The following PPP2R3A variants were observed in gnomAD, a reference collection of about 807,000 sequenced individuals.
PPP2R3A encodes the protein protein phosphatase 2 regulatory subunit B''alpha, also known as serine/threonine-protein phosphatase 2A regulatory subunit B'' subunit alpha.
A neutral mutation model predicts 106.9 loss-of-function variants in PPP2R3A; 80 were observed. The observed-to-expected ratio is 0.75, with a 90% CI of 0.62 to 0.90. The LOEUF (loss-of-function observed/expected upper bound fraction) is 0.90. PPP2R3A is among the 40% of genes least tolerant of loss of function. The pLI, the probability that PPP2R3A is intolerant of heterozygous loss-of-function variation, is 0.00. For missense variants in PPP2R3A, 1,386 were observed against 1,350.4 expected (o/e 1.03, Z -0.41); for synonymous variants, 483 against 468.3 (o/e 1.03, Z -0.41).
At chr3:136,050,771 C>G (rs1935658978) in intron 5 of PPP2R3A, among the ~76,000 whole-genome samples, 1 of 152,142 alleles carries the variant, frequency 6.6e-6, no homozygotes, top group Non-Finnish European at 1.5e-5. Flanking sequence ...TTCCCTTATG[C>G]TTTCCTATCT....
chr3:136,087,157 T>G (rs983766537), intron 8 of PPP2R3A, among the ~76,000 whole-genome samples: 1 of 151,956 alleles, frequency 6.6e-6, no homozygotes, highest in Non-Finnish European at 1.5e-5. Context: ...TGAGCCGAGA[T>G]CACGCCATTG....
chr3:136,039,665 T>G (rs924334527), intron 3 of PPP2R3A, among the ~76,000 whole-genome samples: 5 of 152,184 alleles, frequency 3.3e-5, no homozygotes, highest in Non-Finnish European at 7.3e-5. Context: ...CACCTGCCCT[T>G]CACCTCCTGC....
At chr3:136,063,617 G>T (rs949914747) in intron 5 of PPP2R3A, among the ~76,000 whole-genome samples, 7 of 152,178 alleles carry the variant, frequency 4.6e-5, no homozygotes, top group African/African-American at 1.7e-4. Context: ...GATATGAACA[G>T]ACACTTCTCG....
At chr3:136,061,693 G>A (rs1936080295) in intron 5 of PPP2R3A, among the ~76,000 whole-genome samples, 1 of 151,978 alleles carries the variant, frequency 6.6e-6, no homozygotes, top group Non-Finnish European at 1.5e-5. Context: ...GGCTGAGGCA[G>A]GTGGCTCACG....
intron 13 of PPP2R3A, among the ~76,000 whole-genome samples, chr3:136,131,291 A>G (rs1432223717): frequency 6.6e-6 from 1 of 152,218 alleles, no homozygotes; most frequent in Non-Finnish European, 1.5e-5. Context: ...AATATCCAAA[A>G]TCTACAAAGA....
chr3:136,133,223 C>T (rs560856301), intron 13 of PPP2R3A, among the ~76,000 whole-genome samples: 1 of 152,062 alleles, frequency 6.6e-6, no homozygotes, highest in East Asian at 1.9e-4. Flanking sequence ...AATGAAAAAA[C>T]AGACCAGGAG....
intron 3 of PPP2R3A, among the ~76,000 whole-genome samples, chr3:136,040,041 T>C (rs1935211717): frequency 6.6e-6 from 1 of 152,226 alleles, no homozygotes; most frequent in Admixed American, 6.5e-5. Flanking sequence ...TAAATAGATA[T>C]GATAGCTGTT....
At chr3:135,965,963 A>C (rs1462298312) in intron 1 of PPP2R3A, 114 bp downstream of exon 1, 1 of 150,184 alleles carries the variant, frequency 6.7e-6, no homozygotes, top group African/African-American at 2.5e-5. Flanking sequence ...CGGGGCCGGG[A>C]CCTGGGGGCG....
chr3:136,040,172 GGAAT>G (rs373252816), intron 3 of PPP2R3A, among the ~76,000 whole-genome samples: 6 of 152,322 alleles, frequency 3.9e-5, no homozygotes, highest in Admixed American at 1.3e-4. Context: ...TTCTGCTTAA[GGAAT>G]GAATGAAGGA....
At chr3:135,991,111 T>G (rs138295694) in intron 1 of PPP2R3A, among the ~76,000 whole-genome samples, 1 of 152,124 alleles carries the variant, frequency 6.6e-6, no homozygotes, top group Admixed American at 6.6e-5. Flanking sequence ...GCAGATCCCC[T>G]CTCTGGTGTG....
chr3:136,064,161 A>G (rs1334236610), intron 5 of PPP2R3A, among the ~76,000 whole-genome samples: 11 of 151,642 alleles, frequency 7.3e-5, no homozygotes, highest in East Asian at 3.9e-4. Context: ...GCAAACTATC[A>G]AAAGGACAAA....
At chr3:136,144,861 G>A (rs1939044519) in intron 13 of PPP2R3A, among the ~76,000 whole-genome samples, 182 bp from the exon 14 acceptor site, 1 of 152,188 alleles carries the variant, frequency 6.6e-6, no homozygotes, top group African/African-American at 2.4e-5. Context: ...GGAACAGGGA[G>A]AAGAATGTGT....
chr3:136,082,412 A>G lies in PPP2R3A; in HGVS notation c.2779A>G (p.Asn927Asp). 1 of 1,613,708 alleles carries G rather than the reference A, an allele frequency of 6.2e-7. No individual in the cohort carries two copies. ...YISQADLSRY[N>D]DQASSSRIIE... The stretch of plus-strand genomic sequence containing the variant: ...CAGCCAGGCCGATCTGTCTCGATAC[A>G]ATGACCAGGGTAAGTGATTCTGTAG... The change falls in exon 8 of 14, where the codon AAT becomes GAT. Residue 927 changes from asparagine to aspartate, a missense_variant. Asn to Asp is a conservative substitution (Grantham distance 23). Transcript: ENST00000264977.
rs111692951 is a variant in PPP2R3A at position 135,975,381 on chromosome 3, T to C, written c.-441+9532T>C. Among the ~76,000 whole-genome samples, 221 of 152,310 alleles carry C rather than the reference T, an allele frequency of 1.5e-3. 1 individual carries two copies. The highest frequency in any genetic ancestry group is 5.1e-3 in the African/African-American group (212 of 41,576). On this transcript the variant is annotated intron_variant, in intron 1 of 13. Coordinates refer to ENST00000264977, the MANE Select transcript of PPP2R3A (RefSeq NM_002718.5). ...TTGTCTGCAAACCTACAGGCCTTTA[T>C]GTGGGCCCTCTGGTGGGTTCATGTT...
intron 2 of PPP2R3A, among the ~76,000 whole-genome samples, chr3:136,004,956 G>A (rs535169698): frequency 1.4e-4 from 21 of 152,184 alleles, no homozygotes; most frequent in African/African-American, 5.1e-4. Flanking sequence ...TACATATTAG[G>A]CTTCTCATTA....
chr3:136,124,396 T>C (rs1938108373), intron 13 of PPP2R3A, among the ~76,000 whole-genome samples: 1 of 151,984 alleles, frequency 6.6e-6, no homozygotes, highest in Admixed American at 6.6e-5. Context: ...AGCAAGAGGA[T>C]TGCTTGAACC....
rs1394789125 is a variant in PPP2R3A at position 136,034,499 on chromosome 3, A to G, written c.2263-6360A>G. 2.0e-5 allele frequency among the ~76,000 whole-genome samples: 3 copies of G among 152,310 alleles called. No individual in the cohort carries two copies. The East Asian group carries it at 5.8e-4, about 29-fold the overall frequency. ...TTTGACCCAGTGATCATTCAGGAGCAGGTTATTTAATTTCCATGTATTTGC... is the reference window on the plus strand; with the variant it reads ...TTTGACCCAGTGATCATTCAGGAGCGGGTTATTTAATTTCCATGTATTTGC... On this transcript the variant is annotated intron_variant, in intron 3 of 13. Coordinates refer to ENST00000264977, the MANE Select transcript of PPP2R3A (RefSeq NM_002718.5).
intron 1 of PPP2R3A, among the ~76,000 whole-genome samples, chr3:135,975,838 A>C (rs1479202004): frequency 6.6e-6 from 1 of 152,086 alleles, no homozygotes; most frequent in East Asian, 1.9e-4. Flanking sequence ...CATATATAAG[A>C]TATATATAAT....
At chr3:135,995,910 C>G (rs971125437) in intron 1 of PPP2R3A, among the ~76,000 whole-genome samples, 1 of 152,246 alleles carries the variant, frequency 6.6e-6, no homozygotes, top group African/African-American at 2.4e-5. Context: ...TTAGAGCCAC[C>G]GATGTTTATA....
Sources: gnomAD v4.1 joint callset for allele counts (sites outside exome capture counted in the v4.1 genomes callset) on GRCh38, gnomAD v4.1.1 for gene constraint, MANE v1.5 for transcripts, NCBI Gene and HGNC (gene_info 2026-07-23, HGNC 2026-07-21) for gene names.